Variants in SNX29 observed in about 807,000 individuals in gnomAD.
The protein encoded by SNX29 is sorting nexin 29.
Under a neutral mutation model 102.1 loss-of-function variants are expected in SNX29, and 78 were observed. The ratio of observed to expected loss-of-function variants is 0.76; its 90% CI spans 0.64 to 0.92. The LOEUF is 0.92. Among genes scored for constraint, SNX29 ranks in the 40% least tolerant of loss-of-function variants. The pLI, the probability that SNX29 is intolerant of heterozygous loss-of-function variation, is 0.00. For synonymous variants in SNX29, 580 were observed against 414.5 expected, an observed-to-expected ratio of 1.40 and a Z score of -4.85; for missense variants, 1,280 against 1,061.7, an observed-to-expected ratio of 1.21 and a Z score of -2.86.
chr16:12,177,497 G>A (rs928574413), intron 13 of SNX29, among the ~76,000 whole-genome samples: 5 of 151,766 alleles, frequency 3.3e-5, no homozygotes, highest in African/African-American at 1.2e-4. Context: ...ATCTGTGTAG[G>A]TCTTAATGAA....
At chr16:12,329,266 G>T (rs1432969436) in intron 15 of SNX29, among the ~76,000 whole-genome samples, 1 of 84,018 alleles carries the variant, frequency 1.2e-5, no homozygotes, top group Non-Finnish European at 2.2e-5. Context: ...AACATGGTGA[G>T]ACCTTGTCTC....
intron 11 of SNX29, among the ~76,000 whole-genome samples, chr16:12,124,975 G>C (rs2054141402): frequency 6.6e-6 from 1 of 152,220 alleles, no homozygotes; most frequent in African/African-American, 2.4e-5. Flanking sequence ...AGGTCATAAA[G>C]AGGAAGGAAA....
intron 16 of SNX29, among the ~76,000 whole-genome samples, chr16:12,391,651 G>T (rs1567515847): frequency 6.6e-6 from 1 of 151,972 alleles, no homozygotes; most frequent in Non-Finnish European, 1.5e-5. Context: ...TCATTCATCT[G>T]TCCATCATTT....
intron 4 of SNX29, among the ~76,000 whole-genome samples, chr16:12,028,116 T>A (rs1289006704): frequency 6.6e-6 from 1 of 152,190 alleles, no homozygotes; most frequent in Admixed American, 6.5e-5. Flanking sequence ...AGCTTTCAGT[T>A]CCAGCCCTGA....
intron 14 of SNX29, among the ~76,000 whole-genome samples, chr16:12,204,812 G>A (rs962757334): frequency 4.6e-5 from 7 of 152,230 alleles, no homozygotes; most frequent in Non-Finnish European, 1.0e-4. Context: ...CATGTGCTTC[G>A]TGCTCTCACT....
chr16:12,198,559 C>A (rs761733254), intron 13 of SNX29, among the ~76,000 whole-genome samples: 4 of 152,092 alleles, frequency 2.6e-5, no homozygotes, highest in Non-Finnish European at 5.9e-5. Context: ...GACTCAAGAC[C>A]TGAGGTGTAG....
chr16:12,358,716 G>C (rs2082215849), intron 16 of SNX29, among the ~76,000 whole-genome samples: 1 of 152,190 alleles, frequency 6.6e-6, no homozygotes, highest in Admixed American at 6.5e-5. Context: ...AGGCCTTGCA[G>C]GGTCTCCCCA....
At chr16:12,315,357 C>T (rs1485465824) in intron 15 of SNX29, among the ~76,000 whole-genome samples, 2 of 152,196 alleles carry the variant, frequency 1.3e-5, no homozygotes, top group South Asian at 2.1e-4. Context: ...GGATCTAACG[C>T]CTCTGCTTCC....
chr16:12,555,514 G>T (rs555122424), intron 20 of SNX29, among the ~76,000 whole-genome samples: 3 of 151,556 alleles, frequency 2.0e-5, no homozygotes, highest in African/African-American at 4.8e-5. Flanking sequence ...GGGATTGACT[G>T]GACAGCGCCC....
intron 18 of SNX29, among the ~76,000 whole-genome samples, chr16:12,409,824 G>C (rs919123224): frequency 1.3e-5 from 2 of 152,090 alleles, no homozygotes; most frequent in Non-Finnish European, 2.9e-5. Context: ...AATACCTTCA[G>C]TGTAAGTACA....
chr16:12,365,416 G>A (rs531580097), intron 16 of SNX29, among the ~76,000 whole-genome samples: 26 of 151,944 alleles, frequency 1.7e-4, no homozygotes, highest in African/African-American at 5.1e-4. Flanking sequence ...GAGGCCGGGC[G>A]TGGTGGCTCA....
chr16:12,117,653 T>G lies in SNX29; in HGVS notation c.1403-8980T>G, dbSNP rs574276566. Among the ~76,000 whole-genome samples, 9 of 152,274 alleles carry G rather than the reference T, an allele frequency of 5.9e-5. 1 individual carries two copies. The highest frequency in any genetic ancestry group is 2.0e-4 in the Admixed American group (3 of 15,294). On this transcript the variant is annotated intron_variant, in intron 11 of 20. Transcript: ENST00000566228. ...AGAAATTGCTTAATGGGTAAGAGGT[T>G]TTGCTTTGGCGTGGTAGAAACGTTC...
At position 12,568,448 on chromosome 16, in the gene SNX29, CT is replaced by C. The variant is rs575467698; in HGVS notation, c.2319-57del. 2.0e-4 allele frequency: 313 copies of C among 1,597,300 alleles called. 1 individual carries two copies. The African/African-American group carries it at 3.6e-3, about 18-fold the overall frequency. ...CTCACACCTGGCTCCCCTTCCTGGC[CT>C]GTGGTCATTTGCTTTTCATCCCCAG... On this transcript the variant is annotated intron_variant, in intron 20 of 20. Transcript: ENST00000566228.
At chr16:12,301,712 G>A (rs1729916940) in intron 15 of SNX29, among the ~76,000 whole-genome samples, 1 of 152,218 alleles carries the variant, frequency 6.6e-6, no homozygotes, top group African/African-American at 2.4e-5. Flanking sequence ...TTGAATCCTG[G>A]CTCGGAGGAT....
chr16:12,430,265 T>G (rs1382665138), intron 18 of SNX29, among the ~76,000 whole-genome samples: 1 of 152,178 alleles, frequency 6.6e-6, no homozygotes, highest in African/African-American at 2.4e-5. Flanking sequence ...CCAAAATGGT[T>G]GGGAACTGCT....
intron 7 of SNX29, among the ~76,000 whole-genome samples, chr16:12,048,825 A>T (rs987436465): frequency 1.3e-5 from 2 of 152,210 alleles, no homozygotes; most frequent in African/African-American, 4.8e-5. Flanking sequence ...GCCGGGTGGA[A>T]AAATGAACAG....
intron 13 of SNX29, among the ~76,000 whole-genome samples, chr16:12,157,430 C>T (rs560461706): frequency 8.5e-4 from 129 of 152,238 alleles, no homozygotes; most frequent in Middle Eastern, 3.4e-3. Context: ...CATGATGTCT[C>T]CTAAAGGAAC....
At position 12,570,232 on chromosome 16, in the gene SNX29, C is replaced by G. The variant is rs542123830; in HGVS notation, c.*1603C>G. 2.3e-5 allele frequency: 25 copies of G among 1,065,190 alleles called. No individual in the cohort carries two copies. Among genetic ancestry groups the G allele is most frequent in the African/African-American group, 3.3e-5 (2 of 61,060 alleles). The allele number at this position is 1,065,190 out of a possible 1,614,324, so 66.0% of individuals were successfully genotyped here. A position where few individuals can be genotyped will look rare whatever the true frequency, so the allele number is the denominator to read the frequency against. ...ACCTGGGGCCAGATAAGCCCTGCCC[C>G]GGTGAGACCAAATGAGCTGGAGCAT... On this transcript the variant is annotated 3_prime_UTR_variant, in exon 21 of 21. Coordinates refer to ENST00000566228, the MANE Select transcript of SNX29 (RefSeq NM_032167.5).
chr16:12,372,868 C>T (rs896563583), intron 16 of SNX29: 5 of 152,138 alleles, frequency 3.3e-5, no homozygotes, highest in Non-Finnish European at 7.3e-5. Context: ...TAATGAAGTT[C>T]TTGAAAGTGG....
Sources: allele counts gnomAD v4.1 joint callset (sites outside exome capture counted in the v4.1 genomes callset), GRCh38; gene constraint gnomAD v4.1.1; transcripts MANE v1.5; gene names NCBI Gene and HGNC (gene_info 2026-07-23, HGNC 2026-07-21).